Variants in CPSF4L observed in about 807,000 individuals in gnomAD.
CPSF4L encodes the protein putative cleavage and polyadenylation specificity factor subunit 4-like protein.
A neutral mutation model predicts 24.0 loss-of-function variants in CPSF4L; 18 were observed. The ratio of observed to expected loss-of-function variants is 0.75; its 90% CI spans 0.52 to 1.11. CPSF4L has a LOEUF of 1.11. Among genes scored for constraint, CPSF4L ranks in the 50% least tolerant of loss-of-function variants. The pLI, the probability that CPSF4L is intolerant of heterozygous loss-of-function variation, is 0.00. For synonymous variants in CPSF4L, 72 were observed against 77.2 expected, an observed-to-expected ratio of 0.93 and a Z score of 0.35; for missense variants, 211 against 221.8, an observed-to-expected ratio of 0.95 and a Z score of 0.31.
chr17:73,244,291 G>A (rs562004266), downstream of CPSF4L, among the ~76,000 whole-genome samples: 24 of 152,062 alleles, frequency 1.6e-4, no homozygotes, highest in African/African-American at 3.4e-4. Context: ...GGCCGGGCGC[G>A]GTGGCTCACG....
Position 73,248,629 on chromosome 17 carries a change from C to A in CPSF4L, c.498-93G>T. 16 of 1,276,230 alleles carry A rather than the reference C, an allele frequency of 1.3e-5. No individual in the cohort carries two copies. The South Asian group carries it at 2.0e-4, about 16-fold the overall frequency. The allele number at this position is 1,276,230 out of a possible 1,614,324, so 79.1% of individuals were successfully genotyped here. ...CCCGCAGAAGAGGCATGGTGACACC[C>A]AGGCTACTGTCCATGCTTGAGAGGA... On this transcript the variant is annotated intron_variant, in intron 5 of 5. Coordinates refer to ENST00000344935, the MANE Select transcript of CPSF4L (RefSeq NM_001129885.1).
At chr17:73,255,903 C>G (rs567385949) in intron 3 of CPSF4L, among the ~76,000 whole-genome samples, 1 of 152,164 alleles carries the variant, frequency 6.6e-6, no homozygotes, top group Admixed American at 6.5e-5. Flanking sequence ...CTTTCAGAGA[C>G]GGGGGTACTG....
At chr17:73,258,347 C>T (rs1394160362) in intron 2 of CPSF4L, among the ~76,000 whole-genome samples, 1 of 151,960 alleles carries the variant, frequency 6.6e-6, no homozygotes, top group African/African-American at 2.4e-5. Context: ...GCTCTGTTGC[C>T]CATGCTAGAG....
downstream of CPSF4L, chr17:73,247,452 G>C (rs1007845769): frequency 4.6e-6 from 5 of 1,083,232 alleles, no homozygotes; most frequent in Non-Finnish European, 6.9e-6. Context: ...AGCATTAAGG[G>C]ATAGCTTTTC....
At chr17:73,261,315 C>G (rs945325496) in intron 1 of CPSF4L, among the ~76,000 whole-genome samples, 1 of 152,212 alleles carries the variant, frequency 6.6e-6, no homozygotes, top group Admixed American at 6.5e-5. Context: ...AAGAGAGAGA[C>G]AGAGAAGGGG....
intron 2 of CPSF4L, among the ~76,000 whole-genome samples, chr17:73,259,043 A>T (rs201866842): frequency 1.1e-5 from 1 of 87,180 alleles, no homozygotes; most frequent in South Asian, 3.5e-4. Context: ...AGTTTCTTTA[A>T]TTTATTTATT....
intron 5 of CPSF4L, chr17:73,248,760 C>G (rs1395007389): frequency 2.0e-6 from 1 of 502,222 alleles, no homozygotes; most frequent in Non-Finnish European, 3.5e-6. Context: ...AACCTCGGGG[C>G]GGCCTTGTTT....
intron 3 of CPSF4L, among the ~76,000 whole-genome samples, chr17:73,255,227 C>CA (rs774798825): frequency 4.6e-5 from 7 of 152,082 alleles, no homozygotes; most frequent in Non-Finnish European, 1.0e-4. Flanking sequence ...AGGCCAGGCA[C>CA]AGTGGCTCAT....
chr17:73,248,774 C>A, intron 5 of CPSF4L: 1 of 469,994 alleles, frequency 2.1e-6, no homozygotes, highest in Non-Finnish European at 3.8e-6. Context: ...CTTGTTTAAT[C>A]CTGAATAATA....
downstream of CPSF4L, chr17:73,248,217 T>G (rs1249868552): frequency 1.2e-5 from 5 of 428,118 alleles, no homozygotes; most frequent in African/African-American, 1.0e-4. Flanking sequence ...ATCACCAGAT[T>G]AAAAGCTTCA....
chr17:73,252,768 G>C (rs763701465), intron 4 of CPSF4L, 45 bp from the exon 5 acceptor site: 9 of 1,397,062 alleles, frequency 6.4e-6, no homozygotes, highest in Non-Finnish European at 8.9e-6. Context: ...GCTTCAGCAA[G>C]AGGGGAAAAC....
rs35500375 is a variant in CPSF4L at position 73,254,632 on chromosome 17, C to T, written c.308-606G>A. Among the ~76,000 whole-genome samples the T allele has an allele frequency of 9.5e-3, 1,439 of 152,228 alleles. 15 individuals carry two copies. The highest frequency in any genetic ancestry group is 0.034 in the Middle Eastern group (10 of 294). On this transcript the variant is annotated intron_variant, in intron 3 of 5. Coordinates refer to ENST00000344935, the MANE Select transcript of CPSF4L (RefSeq NM_001129885.1). ...GAGCCAGCCCAGTAGGCCCAGGCTACCCAAGTGTCATTATTATTATTATTA... is the reference window on the plus strand; with the variant it reads ...GAGCCAGCCCAGTAGGCCCAGGCTATCCAAGTGTCATTATTATTATTATTA...
At chr17:73,255,882 C>T (rs1447913992) in intron 3 of CPSF4L, among the ~76,000 whole-genome samples, 2 of 152,172 alleles carry the variant, frequency 1.3e-5, no homozygotes, top group Non-Finnish European at 2.9e-5. Flanking sequence ...GCACCTCAGC[C>T]TTCAATCCGC....
chr17:73,244,866 T>C (rs1250043278), downstream of CPSF4L, among the ~76,000 whole-genome samples: 3 of 151,682 alleles, frequency 2.0e-5, no homozygotes, highest in Admixed American at 2.0e-4. Context: ...CACCTGGCCA[T>C]GGGTGAGGAA....
the CPSF4L span, chr17:73,243,088 T>TGTTTTTTG: frequency 1.0e-6 from 1 of 997,640 alleles, no homozygotes. Context: ...TTTTTTTTTT[T>TGTTTTTTG]TTTTTTTTTT....
intron 2 of CPSF4L, among the ~76,000 whole-genome samples, chr17:73,260,671 G>A (rs1241867604): frequency 6.6e-6 from 1 of 152,220 alleles, no homozygotes; most frequent in Non-Finnish European, 1.5e-5. Flanking sequence ...GGAGGCTGAG[G>A]AAGGAGAATC....
downstream of CPSF4L, among the ~76,000 whole-genome samples, chr17:73,243,662 G>A (rs1015375095): frequency 2.0e-5 from 3 of 151,616 alleles, no homozygotes; most frequent in African/African-American, 7.3e-5. Flanking sequence ...CTGAGTAGCT[G>A]GGACTACAGG....
At chr17:73,255,913 G>A (rs2062023470) in intron 3 of CPSF4L, among the ~76,000 whole-genome samples, 1 of 152,204 alleles carries the variant, frequency 6.6e-6, no homozygotes, top group African/African-American at 2.4e-5. Context: ...CGGGGGTACT[G>A]GGCTGAAGAC....
At chr17:73,261,172 C>G (rs1367365724) in intron 1 of CPSF4L, among the ~76,000 whole-genome samples, 189 bp from the exon 2 acceptor site, 1 of 152,228 alleles carries the variant, frequency 6.6e-6, no homozygotes, top group Non-Finnish European at 1.5e-5. Context: ...AACCCCCCAA[C>G]TCTGAAACAG....
Sources: gnomAD v4.1 joint callset for allele counts (sites outside exome capture counted in the v4.1 genomes callset) on GRCh38, gnomAD v4.1.1 for gene constraint, MANE v1.5 for transcripts, NCBI Gene and HGNC (gene_info 2026-07-23, HGNC 2026-07-21) for gene names.